SYNE2: variants seen among roughly 807,000 people sequenced by gnomAD.
SYNE2 encodes spectrin repeat containing nuclear envelope protein 2, also known as nesprin-2.
SYNE2 carries 431 observed loss-of-function variants against 856.3 expected under a neutral mutation model. That is an observed-to-expected ratio of 0.50 (90% CI 0.47 to 0.55). SYNE2 has a LOEUF of 0.55. Ranked by LOEUF, SYNE2 falls within the 20% of genes least tolerant of loss-of-function variation. The pLI, the probability that SYNE2 is intolerant of heterozygous loss-of-function variation, is 0.00. For missense variants in SYNE2, 8,129 were observed against 8,023.2 expected (o/e 1.01, Z -0.50); for synonymous variants, 2,923 against 2,872.3 (o/e 1.02, Z -0.56).
chr14:64,214,748 A>AT (rs557161128), intron 106 of SYNE2, among the ~76,000 whole-genome samples: 16 of 151,540 alleles, frequency 1.1e-4, no homozygotes, highest in East Asian at 5.8e-4. Context: ...CTCATCAGTG[A>AT]TTTTTTTTTG....
chr14:64,081,652 G>A, intron 57 of SYNE2, 72 bp downstream of exon 57: 1 of 1,557,866 alleles, frequency 6.4e-7, no homozygotes, highest in South Asian at 1.1e-5. Context: ...TGATTGTCTT[G>A]GTGCTTTTTT....
chr14:64,207,574 ATAG>A (rs903314711), intron 100 of SYNE2, among the ~76,000 whole-genome samples: 2 of 151,802 alleles, frequency 1.3e-5, no homozygotes, highest in Non-Finnish European at 2.9e-5. Context: ...GAGTATGAAA[ATAG>A]TGGTCCCATC....
Position 64,015,056 on chromosome 14 carries a change from AATAT to A in SYNE2, c.4729-1412_4729-1409del, listed in dbSNP as rs562718474. Among the ~76,000 whole-genome samples, 479 of 140,984 alleles carry A rather than the reference AATAT, an allele frequency of 3.4e-3. 4 individuals carry two copies. The highest frequency in any genetic ancestry group is 5.3e-3 in the Non-Finnish European group (345 of 65,460). 92.5% of individuals were successfully genotyped at this position (140,984 alleles called of 152,430 possible). ...ATATATGTATATATGTATATATATA[AATAT>A]ATATGTGTATATATGTATATATATA... On this transcript the variant is annotated intron_variant, in intron 32 of 115. Coordinates refer to ENST00000555002, the MANE Select transcript of SYNE2 (RefSeq NM_182914.3).
intron 45 of SYNE2, among the ~76,000 whole-genome samples, chr14:64,034,949 A>T (rs1026902529): frequency 6.6e-6 from 1 of 150,796 alleles, no homozygotes; most frequent in Non-Finnish European, 1.5e-5. Context: ...TTTTCTAAAA[A>T]ATCATAATAC....
At chr14:63,841,797 GT>G (rs895993687) in intron 1 of SYNE2, among the ~76,000 whole-genome samples, 1 of 140,918 alleles carries the variant, frequency 7.1e-6, no homozygotes, top group African/African-American at 2.6e-5. Context: ...GTCTGTTCAT[GT>G]TTTTTGCCCA....
rs1338374646 is a variant in SYNE2 at position 63,967,710 on chromosome 14, G to A, written c.992G>A (p.Ser331Asn). 2 of 1,613,872 alleles carry A rather than the reference G, an allele frequency of 1.2e-6. No individual in the cohort carries two copies. The highest frequency in any genetic ancestry group is 2.2e-5 in the South Asian group (2 of 91,062). ...TTTAAAATACTCTTCTAATTGCAGA[G>A]CCTGCTGTCCTTTATGGAGTCATTC... ...ENDTYFKKYN[S>N]LLSFMESFNE... Residue 331 changes from serine (S) to asparagine (N), a missense_variant and splice_region_variant, in exon 11 of 116, where the codon AGC (serine) becomes AAC (asparagine). Ser to Asn is a conservative substitution (Grantham distance 46). Coordinates refer to ENST00000555002, the MANE Select transcript of SYNE2 (RefSeq NM_182914.3).
intron 63 of SYNE2, 50 bp downstream of exon 63, chr14:64,098,871 A>C: frequency 1.3e-6 from 2 of 1,566,898 alleles, no homozygotes; most frequent in Non-Finnish European, 1.8e-6. Context: ...AGATCTCTAA[A>C]AGAAGTCAAT....
At position 63,954,729 on chromosome 14, in the gene SYNE2, G is replaced by A; in HGVS notation, c.601G>A (p.Val201Ile). ...AQEQCATYESVNVTDFKSSWR... is the reference protein window; with the variant it reads ...AQEQCATYESINVTDFKSSWR... Reference sequence around the variant, plus strand: ...GTCTTTTTATGATAGCTATGAGTCTGTCAATGTGACCGATTTTAAGTCAAG... The same window carrying A: ...GTCTTTTTATGATAGCTATGAGTCTATCAATGTGACCGATTTTAAGTCAAG... The change falls in exon 8 of 116, where the codon GTC (valine) becomes ATC (isoleucine). Residue 201 changes from valine to isoleucine, a missense_variant. Transcript: ENST00000555002. The A allele has an allele frequency of 1.9e-6, 3 of 1,613,978 alleles. No individual in the cohort carries two copies. The South Asian group carries it at 3.3e-5, about 18-fold the overall frequency.
intron 1 of SYNE2, among the ~76,000 whole-genome samples, chr14:63,786,247 C>CA (rs61324324): frequency 0.64 from 90,268 of 141,934 alleles, 28,237 homozygotes; most frequent in South Asian, 0.77. Flanking sequence ...AAGACTGTCT[C>CA]AAAAAAAAAA....
At chr14:63,810,138 C>A (rs1888558581) in intron 1 of SYNE2, among the ~76,000 whole-genome samples, 2 of 151,890 alleles carry the variant, frequency 1.3e-5, no homozygotes, top group African/African-American at 4.8e-5. Flanking sequence ...GCAAGAGGAT[C>A]CCTTGAGCCC....
chr14:63,847,585 A>ATTTTTTTTTTTTTTTTTTTTT (rs1194475873), intron 1 of SYNE2, among the ~76,000 whole-genome samples: 1 of 137,596 alleles, frequency 7.3e-6, no homozygotes, highest in African/African-American at 2.7e-5. Flanking sequence ...TATGTTCTGT[A>ATTTTTTTTTTTTTTTTTTTTT]TTTTTTTTTT....
At chr14:63,785,397 G>T (rs2139750498) in intron 1 of SYNE2, among the ~76,000 whole-genome samples, 1 of 152,234 alleles carries the variant, frequency 6.6e-6, no homozygotes, top group South Asian at 2.1e-4. Context: ...AGTTGAGGCT[G>T]CAGTGAGCCA....
intron 1 of SYNE2, among the ~76,000 whole-genome samples, chr14:63,764,343 G>A (rs138859227): frequency 2.6e-5 from 4 of 152,266 alleles, no homozygotes; most frequent in South Asian, 2.1e-4. Context: ...TTGTTTACAC[G>A]AGGGATGAAC....
At chr14:63,852,506 C>G (rs147728622), upstream of SYNE2, among the ~76,000 whole-genome samples, 297 of 152,216 alleles carry the variant, frequency 2.0e-3, 3 homozygotes, top group Non-Finnish European at 6.2e-4. Flanking sequence ...TCCAGGTGAC[C>G]CCAAGATCCG....
In SYNE2 at chr14:64,113,538, G is replaced by A; in HGVS notation, c.12807G>A (p.Gln4269=). The A allele has an allele frequency of 6.2e-7, 1 of 1,612,622 alleles. No homozygotes were observed. ...CGGAAACATTAAACGCAGACATGCA[G>A]CAGGTGCTGGAACAGCAGCTGGTAG... The part of the protein sequence containing the change: ...VEPETLNADM[Q]QVLEQQLVGC... Residue 4269 remains glutamine (Q), a synonymous_variant, in exon 66 of 116, where the codon CAG becomes CAA. Coordinates refer to ENST00000555002, the MANE Select transcript of SYNE2 (RefSeq NM_182914.3).
intron 1 of SYNE2, among the ~76,000 whole-genome samples, chr14:63,870,065 C>G (rs1333565788): frequency 6.6e-6 from 1 of 152,148 alleles, no homozygotes; most frequent in Admixed American, 6.6e-5. Context: ...CAGCTCACAC[C>G]AAACACCTGC....
At position 64,223,347 on chromosome 14, in the gene SYNE2, G is replaced by A. The variant is rs2098703402; in HGVS notation, c.20349G>A (p.Val6783=). Residue 6783 remains valine, a synonymous_variant, in exon 113 of 116, where the codon GTG becomes GTA. Coordinates refer to ENST00000555002, the MANE Select transcript of SYNE2 (RefSeq NM_182914.3). ...EKKLKQLREQ[V]SQDLMALQGT... ...AACTCAAACAGTTACGGGAGCAAGT[G>A]TCCCAAGATTTAATGGCCTTGCAGG... is the stretch of plus-strand genomic sequence containing the variant. 2 of 1,614,132 alleles carry A rather than the reference G, an allele frequency of 1.2e-6. No homozygotes were observed. Among genetic ancestry groups the A allele is most frequent in the East Asian group, 4.5e-5 (2 of 44,882 alleles).
chr14:64,126,502 A>T, intron 72 of SYNE2, 23 bp downstream of exon 72: 1 of 1,614,132 alleles, frequency 6.2e-7, no homozygotes, highest in Non-Finnish European at 8.5e-7. Context: ...TCACGAGCCC[A>T]TGTGTTGGCC....
chr14:64,172,280 G>A (rs1341420539), intron 94 of SYNE2, among the ~76,000 whole-genome samples: 1 of 152,206 alleles, frequency 6.6e-6, no homozygotes, highest in Non-Finnish European at 1.5e-5. Context: ...CATTCTTGGG[G>A]TTGACAGGAG....
Sources: gnomAD v4.1 joint callset for allele counts (sites outside exome capture counted in the v4.1 genomes callset) on GRCh38, gnomAD v4.1.1 for gene constraint, MANE v1.5 for transcripts, NCBI Gene and HGNC (gene_info 2026-07-23, HGNC 2026-07-21) for gene names.